The following FER1L6 variants were observed in gnomAD, a reference collection of about 807,000 sequenced individuals.
The protein encoded by FER1L6 is fer-1 like family member 6, also known as fer-1-like protein 6.
A neutral mutation model predicts 219.2 loss-of-function variants in FER1L6; 177 were observed. That is an observed-to-expected ratio of 0.81 (90% CI 0.71 to 0.91). The LOEUF is 0.91. Ranked by LOEUF, FER1L6 falls within the 40% of genes least tolerant of loss-of-function variation. The pLI is 0.00. For synonymous variants in FER1L6, 768 were observed against 824.3 expected (o/e 0.93, Z 1.17); for missense variants, 2,153 against 2,259.9 (o/e 0.95, Z 0.96).
At chr8:124,100,765 AG>A (rs1822513699) in intron 37 of FER1L6, among the ~76,000 whole-genome samples, 1 of 152,062 alleles carries the variant, frequency 6.6e-6, no homozygotes. Flanking sequence ...CCTTACAAAG[AG>A]GGTTCCCAGG....
At chr8:124,116,766 A>G (rs1823266502) in intron 39 of FER1L6, among the ~76,000 whole-genome samples, 1 of 152,174 alleles carries the variant, frequency 6.6e-6, no homozygotes, top group African/African-American at 2.4e-5. Context: ...AGTGTATAAC[A>G]TACTGCTCAG....
chr8:123,855,742 G>A (rs1168226061), intron 1 of FER1L6, among the ~76,000 whole-genome samples: 3 of 148,222 alleles, frequency 2.0e-5, no homozygotes, highest in Admixed American at 1.3e-4. Flanking sequence ...CGTAATATGT[G>A]TGTATGTGTG....
intron 39 of FER1L6, among the ~76,000 whole-genome samples, chr8:124,117,743 AT>A (rs1823308309): frequency 6.6e-6 from 1 of 152,214 alleles, no homozygotes; most frequent in African/African-American, 2.4e-5. Context: ...CCATGATTAT[AT>A]TATAATGGCT....
intron 14 of FER1L6, among the ~76,000 whole-genome samples, chr8:124,012,573 G>A (rs2130574264): frequency 6.6e-6 from 1 of 152,298 alleles, no homozygotes; most frequent in East Asian, 1.9e-4. Context: ...CCCCTATAGT[G>A]TTGTAGGTGG....
At chr8:123,959,822 A>G (rs962132527) in intron 2 of FER1L6, among the ~76,000 whole-genome samples, 4 of 152,238 alleles carry the variant, frequency 2.6e-5, no homozygotes, top group African/African-American at 9.6e-5. Flanking sequence ...ATTCCACTCC[A>G]TGGAACATAA....
chr8:123,977,603 G>T lies in FER1L6; in HGVS notation c.1057G>T (p.Asp353Tyr). Residue 353 changes from aspartate to tyrosine, a missense_variant, in exon 10 of 41, where the codon GAC becomes TAC. By Grantham distance (160) the Asp-to-Tyr change is radical. Coordinates refer to ENST00000522917, the MANE Select transcript of FER1L6 (RefSeq NM_001039112.2). Reference sequence around the variant, plus strand: ...GAAAATCTCCAACGAACAGGATGGAGACAAAGGTAAAGTCCCATCCATCTG... The same window carrying T: ...GAAAATCTCCAACGAACAGGATGGATACAAAGGTAAAGTCCCATCCATCTG... Reference protein sequence around the residue: ...LKKISNEQDGDKGFLPTFGPA... With the variant: ...LKKISNEQDGYKGFLPTFGPA... The T allele has an allele frequency of 1.2e-6, 2 of 1,613,920 alleles. No homozygotes were observed. Among genetic ancestry groups the T allele is most frequent in the Non-Finnish European group, 1.7e-6 (2 of 1,179,866 alleles).
At chr8:123,901,615 A>G (rs770707845) in intron 1 of FER1L6, among the ~76,000 whole-genome samples, 20 of 151,804 alleles carry the variant, frequency 1.3e-4, no homozygotes, top group African/African-American at 4.8e-4. Context: ...GTGCACTTTC[A>G]GTCTTTTTGA....
chr8:124,011,603 C>T (rs1323865153), intron 14 of FER1L6, among the ~76,000 whole-genome samples: 1 of 151,908 alleles, frequency 6.6e-6, no homozygotes, highest in African/African-American at 2.4e-5. Flanking sequence ...CCTCAGCATC[C>T]CAAGAAGTCG....
intron 1 of FER1L6, among the ~76,000 whole-genome samples, chr8:123,876,118 C>T (rs1321022553): frequency 6.6e-6 from 1 of 152,178 alleles, no homozygotes; most frequent in Non-Finnish European, 1.5e-5. Context: ...TGGCCTTTGT[C>T]TATTCTCTGA....
At chr8:124,023,172 C>T (rs6470210) in intron 17 of FER1L6, among the ~76,000 whole-genome samples, 87,857 of 152,022 alleles carry the variant, frequency 0.58, 25,847 homozygotes, top group African/African-American at 0.64. Context: ...GCCTTGGCCT[C>T]CCAAAGTGCT....
intron 1 of FER1L6, among the ~76,000 whole-genome samples, chr8:123,948,462 G>T (rs1814598127): frequency 6.6e-6 from 1 of 152,086 alleles, no homozygotes; most frequent in Non-Finnish European, 1.5e-5. Flanking sequence ...TTCTAATGTT[G>T]CACTTTCCAA....
chr8:124,010,125 T>A (rs542914294), intron 13 of FER1L6, among the ~76,000 whole-genome samples: 2 of 150,960 alleles, frequency 1.3e-5, no homozygotes, highest in African/African-American at 2.4e-5. Flanking sequence ...TTGTTCTGGT[T>A]TTAGGGTCGT....
chr8:124,091,272 G>A (rs919390798), intron 33 of FER1L6, 151 bp from the exon 34 acceptor site: 3 of 538,282 alleles, frequency 5.6e-6, no homozygotes, highest in Non-Finnish European at 9.4e-6. Context: ...TGCCTTTCAG[G>A]CAAGCTGTGT....
chr8:124,082,362 G>A lies in FER1L6; in HGVS notation c.4295G>A (p.Gly1432Asp), dbSNP rs200628147. 88 of 1,613,790 alleles carry A rather than the reference G, an allele frequency of 5.5e-5. No individual in the cohort carries two copies. The East Asian group carries it at 5.6e-4, about 10-fold the overall frequency. The change falls in exon 33 of 41, where the codon GGC (glycine) becomes GAC (aspartate). Residue 1432 changes from glycine (G) to aspartate (D), a missense_variant. Gly to Asp is a moderately conservative substitution (Grantham distance 94, BLOSUM62 -1). Coordinates refer to ENST00000522917, the MANE Select transcript of FER1L6 (RefSeq NM_001039112.2). ...CTGATCTATGACCATGACATGATTG[G>A]CACAGATGACCTTATTGGTGAGACC... is the stretch of plus-strand genomic sequence containing the variant. ...SILIYDHDMI[G>D]TDDLIGETKI...
chr8:124,051,178 G>A (rs1014690982), intron 22 of FER1L6, among the ~76,000 whole-genome samples: 6 of 152,142 alleles, frequency 3.9e-5, no homozygotes, highest in African/African-American at 1.4e-4. Flanking sequence ...GAAGATACCA[G>A]TCATGCCAGG....
At chr8:123,892,881 T>C (rs1812674575) in intron 1 of FER1L6, among the ~76,000 whole-genome samples, 1 of 152,184 alleles carries the variant, frequency 6.6e-6, no homozygotes, top group South Asian at 2.1e-4. Flanking sequence ...ATTAAGCTTA[T>C]TGTTATGGTT....
rs949888605 is a variant in FER1L6, at chr8:123,954,007, G to A, written c.-7-1985G>A. ...TGATGGCAAATCAAAGGGGGAAAATGCTACCTCCAAGAAGGGCACTTATTT... is the reference window on the plus strand; with the variant it reads ...TGATGGCAAATCAAAGGGGGAAAATACTACCTCCAAGAAGGGCACTTATTT... On this transcript the variant is annotated intron_variant, in intron 1 of 40. Coordinates refer to ENST00000522917, the MANE Select transcript of FER1L6 (RefSeq NM_001039112.2). Among the ~76,000 whole-genome samples the A allele has an allele frequency of 1.6e-4, 24 of 152,320 alleles. No homozygotes were observed. In the East Asian group the frequency reaches 2.9e-3, roughly 18 times the overall value.
intron 13 of FER1L6, among the ~76,000 whole-genome samples, chr8:124,008,616 A>G (rs574069252): frequency 6.6e-6 from 1 of 152,342 alleles, no homozygotes; most frequent in African/African-American, 2.4e-5. Flanking sequence ...AAATGCAACA[A>G]AAACAAAGAT....
chr8:124,050,826 C>T (rs1170034833), intron 22 of FER1L6, among the ~76,000 whole-genome samples: 1 of 151,950 alleles, frequency 6.6e-6, no homozygotes, highest in Admixed American at 6.6e-5. Context: ...GACCTCATGA[C>T]CTCATTACTT....
Sources: allele counts gnomAD v4.1 joint callset (sites outside exome capture counted in the v4.1 genomes callset), GRCh38; gene constraint gnomAD v4.1.1; transcripts MANE v1.5; gene names NCBI Gene and HGNC (gene_info 2026-07-23, HGNC 2026-07-21).